OR3A2: variants seen among roughly 807,000 people sequenced by gnomAD.
OR3A2 encodes the protein olfactory receptor 3A2.
For synonymous variants in OR3A2, 126 were observed against 159.3 expected (o/e 0.79, Z 1.57); for missense variants, 318 against 392.8 (o/e 0.81, Z 1.61).
intron 2 of OR3A2, among the ~76,000 whole-genome samples, chr17:3,356,277 A>G (rs1258031803): frequency 6.6e-6 from 1 of 151,514 alleles, no homozygotes; most frequent in African/African-American, 2.4e-5. Flanking sequence ...CACCACAGTT[A>G]TAGTGTTTTA....
At chr17:3,344,890 G>A (rs1397145604) in intron 2 of OR3A2, among the ~76,000 whole-genome samples, 2 of 152,180 alleles carry the variant, frequency 1.3e-5, no homozygotes, top group Non-Finnish European at 2.9e-5. Context: ...CCTGTAATGG[G>A]AAGAGCAGTA....
At chr17:3,326,474 G>A (rs561528527) in intron 3 of OR3A2, among the ~76,000 whole-genome samples, 1 of 151,930 alleles carries the variant, frequency 6.6e-6, no homozygotes, top group African/African-American at 2.4e-5. Flanking sequence ...ATAAATTGTG[G>A]AGATTTCATT....
At chr17:3,295,259 G>A (rs73977629) in intron 3 of OR3A2, among the ~76,000 whole-genome samples, 2,137 of 151,924 alleles carry the variant, frequency 0.014, 33 homozygotes, top group African/African-American at 0.048. Flanking sequence ...CATAATGGGG[G>A]TATAAGTACA....
At chr17:3,291,137 TTTTG>T (rs1225978150) in intron 3 of OR3A2, 67 of 152,856 alleles carry the variant, frequency 4.4e-4, no homozygotes, top group Non-Finnish European at 8.7e-5. Context: ...AGAGCTACTT[TTTTG>T]TTTTTGTTTC....
chr17:3,296,053 T>C (rs1202783851), intron 3 of OR3A2, among the ~76,000 whole-genome samples: 1 of 152,134 alleles, frequency 6.6e-6, no homozygotes, highest in Non-Finnish European at 1.5e-5. Flanking sequence ...CCAATTGACA[T>C]TGTACACCTT....
intron 2 of OR3A2, among the ~76,000 whole-genome samples, chr17:3,350,036 T>G (rs1259283938): frequency 6.9e-6 from 1 of 145,760 alleles, no homozygotes; most frequent in East Asian, 2.0e-4. Context: ...CAAAGCAGTG[T>G]GTAGAGGGAA....
chr17:3,325,121 TCAA>T (rs34564480), intron 3 of OR3A2, among the ~76,000 whole-genome samples: 2,980 of 152,066 alleles, frequency 0.02, 116 homozygotes, highest in African/African-American at 0.066. Context: ...ACTTTCATAT[TCAA>T]AATTCATTTT....
chr17:3,288,251 A>G (rs540375705), upstream of OR3A2, among the ~76,000 whole-genome samples: 178 of 102,450 alleles, frequency 1.7e-3, no homozygotes, highest in African/African-American at 7.4e-3. Context: ...AAGGGCAAAA[A>G]AAAAAAAAAA....
intron 2 of OR3A2, among the ~76,000 whole-genome samples, chr17:3,342,783 A>C (rs1206414632): frequency 6.6e-6 from 1 of 152,192 alleles, no homozygotes; most frequent in Non-Finnish European, 1.5e-5. Flanking sequence ...GAGCTCAAAC[A>C]CCATGATGGG....
At chr17:3,366,093 G>C (rs1015710055) in intron 2 of OR3A2, among the ~76,000 whole-genome samples, 2 of 152,156 alleles carry the variant, frequency 1.3e-5, no homozygotes, top group Non-Finnish European at 2.9e-5. Context: ...ACGTCTGATG[G>C]AAGGATTATT....
chr17:3,292,719 G>A, intron 3 of OR3A2: 1 of 701,164 alleles, frequency 1.4e-6, no homozygotes, highest in Non-Finnish European at 2.3e-6. Flanking sequence ...AAGGAATTTT[G>A]CGCTCCTTAG....
rs1466667008 is a variant in OR3A2, at chr17:3,292,005, G to C, written c.-84-12852C>G. The stretch of plus-strand genomic sequence containing the variant: ...CAGCAGCTCATTGAGTTGGGTGCTG[G>C]AGCAGGAGAGCTGGAAGAGCTGTGG... On this transcript the variant is annotated intron_variant, in intron 3 of 4. Coordinates refer to the OR3A2 transcript ENST00000573491. 6 of 1,614,112 alleles carry C rather than the reference G, an allele frequency of 3.7e-6. No individual in the cohort carries two copies. In the African/African-American group the frequency reaches 8.0e-5, roughly 22 times the overall value.
intron 3 of OR3A2, among the ~76,000 whole-genome samples, chr17:3,332,061 A>C (rs7219897): frequency 0.13 from 20,329 of 151,306 alleles, 1,653 homozygotes; most frequent in African/African-American, 0.23. Context: ...TTGAGGAGGC[A>C]GTCTGCCCAT....
chr17:3,349,336 G>A lies in OR3A2; in HGVS notation c.-178-13210C>T, dbSNP rs2049399140. On this transcript the variant is annotated intron_variant, in intron 2 of 4. Coordinates refer to the OR3A2 transcript ENST00000573491. Reference sequence around the variant, plus strand: ...GACTCAAAATAAAAGGATGGAGGAAGATGTACCAAGCAAATGGAAAACAAA... The same window carrying A: ...GACTCAAAATAAAAGGATGGAGGAAAATGTACCAAGCAAATGGAAAACAAA... 2.0e-5 allele frequency among the ~76,000 whole-genome samples: 3 copies of A among 152,210 alleles called. No individual in the cohort carries two copies. In the South Asian group the frequency reaches 6.2e-4, roughly 32 times the overall value.
intron 3 of OR3A2, chr17:3,291,587 T>C (rs748345315): frequency 6.8e-7 from 1 of 1,463,414 alleles, no homozygotes; most frequent in African/African-American, 1.4e-5. Flanking sequence ...TCTAGAAGAC[T>C]TTTCCTTTAG....
intron 3 of OR3A2, among the ~76,000 whole-genome samples, chr17:3,293,966 G>T (rs1276326407): frequency 6.6e-6 from 1 of 152,098 alleles, no homozygotes; most frequent in East Asian, 1.9e-4. Context: ...TGGGAGGGTG[G>T]CCAGGGCGAG....
chr17:3,337,177 T>C (rs1404079982), intron 2 of OR3A2, among the ~76,000 whole-genome samples: 3 of 152,220 alleles, frequency 2.0e-5, no homozygotes, highest in Non-Finnish European at 4.4e-5. Flanking sequence ...AAATGTATCA[T>C]TTAACCATTT....
intron 3 of OR3A2, among the ~76,000 whole-genome samples, chr17:3,328,706 G>A (rs1401144353): frequency 1.7e-5 from 2 of 119,028 alleles, no homozygotes; most frequent in Non-Finnish European, 3.5e-5. Context: ...GTCATAGATA[G>A]CTCTTATTAT....
chr17:3,308,137 T>G (rs543361007), intron 3 of OR3A2, among the ~76,000 whole-genome samples: 1 of 152,316 alleles, frequency 6.6e-6, no homozygotes, highest in South Asian at 2.1e-4. Flanking sequence ...TCCATAACAT[T>G]TTAAAAATAT....
Sources: gnomAD v4.1 joint callset for allele counts (sites outside exome capture counted in the v4.1 genomes callset) on GRCh38, gnomAD v4.1.1 for gene constraint, MANE v1.5 for transcripts, NCBI Gene and HGNC (gene_info 2026-07-23, HGNC 2026-07-21) for gene names.